Variants in PCDHGA2 observed in about 807,000 individuals in gnomAD.
PCDHGA2 encodes protocadherin gamma-A2.
In PCDHGA2, 40 loss-of-function variants were observed where a neutral mutation model predicts 59.2. That is an observed-to-expected ratio of 0.68 (90% confidence interval 0.52 to 0.88). PCDHGA2 has a LOEUF of 0.88. PCDHGA2 is among the 40% of genes least tolerant of loss of function. The probability of loss-of-function intolerance (pLI) is 0.00; values close to 1 mark genes in which losing one functional copy is unlikely to be tolerated. For synonymous variants in PCDHGA2, 560 were observed against 526.0 expected, an observed-to-expected ratio of 1.06 and a Z score of -0.89; for missense variants, 1,226 against 1,204.0, an observed-to-expected ratio of 1.02 and a Z score of -0.27.
chr5:141,338,923 C>A lies in PCDHGA2; in HGVS notation c.-49C>A. ...ACCCTGAGGAATAAAGATTGGAATC[C>A]GCACTGGATGCTGGAAGTTGACTCG... On this transcript the variant is annotated 5_prime_UTR_variant, in exon 1 of 4. Transcript: ENST00000394576. 2 of 1,513,342 alleles carry A rather than the reference C, an allele frequency of 1.3e-6. No individual in the cohort carries two copies. The highest frequency in any genetic ancestry group is 1.8e-6 in the Non-Finnish European group (2 of 1,131,086). The allele number at this position is 1,513,342 out of a possible 1,614,324, so 93.7% of individuals were successfully genotyped here. A position where few individuals can be genotyped will look rare whatever the true frequency, so the allele number is the denominator to read the frequency against.
At chr5:141,409,708 G>C (rs2095304272) in intron 1 of PCDHGA2, 5 of 1,613,088 alleles carry the variant, frequency 3.1e-6, no homozygotes, top group Non-Finnish European at 1.7e-6. Context: ...TGGCGGTGTC[G>C]TCATACGTGT....
Position 141,487,390 on chromosome 5 carries a change from G to A in PCDHGA2, c.2425-7417G>A, listed in dbSNP as rs769886634. On this transcript the variant is annotated intron_variant, in intron 1 of 3. Coordinates refer to ENST00000394576, the MANE Select transcript of PCDHGA2 (RefSeq NM_018915.4). The surrounding 1 kb of genome is among the most constrained non-coding windows in gnomAD (Gnocchi z 5.0). The stretch of plus-strand genomic sequence containing the variant: ...GTGCCTGTCTCACCAGATCTCGAAG[G>A]AGGGAGGGGCTTCCCCCTTCCAATG... 1.2e-6 allele frequency: 2 copies of A among 1,614,182 alleles called. No homozygotes were observed. The highest frequency in any genetic ancestry group is 1.3e-5 in the African/African-American group (1 of 75,070).
Position 141,491,650 on chromosome 5 carries a change from G to C in PCDHGA2, c.2425-3157G>C, listed in dbSNP as rs1283977913. On this transcript the variant is annotated intron_variant, in intron 1 of 3. Coordinates refer to ENST00000394576, the MANE Select transcript of PCDHGA2 (RefSeq NM_018915.4). The surrounding 1 kb of genome is among the most constrained non-coding windows in gnomAD (Gnocchi z 6.9). ...TCAGCAGCCCACAGCTCTGGCGCTG[G>C]AGCCTGACGCCATCCGGTCCCGCTC... The C allele has an allele frequency of 6.2e-7, 1 of 1,613,876 alleles. No individual in the cohort carries two copies. The highest frequency in any genetic ancestry group is 1.7e-5 in the Admixed American group (1 of 60,034).
At position 141,372,056 on chromosome 5, in the gene PCDHGA2, C is replaced by T. The variant is rs1228124665; in HGVS notation, c.2424+30661C>T. ...TGAGCCTGCGCGTGTTGGTGGACGACCGCAACGACAATGCACCGCTGGTGC... is the reference window on the plus strand; with the variant it reads ...TGAGCCTGCGCGTGTTGGTGGACGATCGCAACGACAATGCACCGCTGGTGC... On this transcript the variant is annotated intron_variant, in intron 1 of 3. Transcript: ENST00000394576. The T allele has an allele frequency of 4.3e-6, 7 of 1,613,578 alleles. No individual in the cohort carries two copies. In the East Asian group the frequency reaches 1.6e-4, roughly 36 times the overall value.
At chr5:141,466,983 C>A (rs2099133398) in intron 1 of PCDHGA2, among the ~76,000 whole-genome samples, 1 of 151,884 alleles carries the variant, frequency 6.6e-6, no homozygotes, top group African/African-American at 2.4e-5. Context: ...TCATCATTTA[C>A]CTTTTGGCAT....
intron 1 of PCDHGA2, among the ~76,000 whole-genome samples, chr5:141,460,961 A>G (rs113156768): frequency 0.11 from 16,010 of 144,518 alleles, 1,385 homozygotes; most frequent in African/African-American, 0.24. Context: ...GTATATATAT[A>G]TGTGTGTGTG....
Position 141,409,803 on chromosome 5 carries a change from C to G in PCDHGA2, c.2424+68408C>G, listed in dbSNP as rs779815582. The G allele has an allele frequency of 1.4e-5, 23 of 1,611,528 alleles. No homozygotes were observed. The highest frequency in any genetic ancestry group is 7.7e-5 in the South Asian group (7 of 90,886). ...CGCGCCTTCGCGCTCACGCTGCAGG[C>G]CCGCGACCACGGCTCGCCCACGCTC... On this transcript the variant is annotated intron_variant, in intron 1 of 3. Coordinates refer to ENST00000394576, the MANE Select transcript of PCDHGA2 (RefSeq NM_018915.4).
rs201021035 is a variant in PCDHGA2 at position 141,398,584 on chromosome 5, A to G, written c.2424+57189A>G. 8.7e-5 allele frequency: 141 copies of G among 1,614,066 alleles called. 1 individual carries two copies. In the African/African-American group the frequency reaches 1.0e-3, roughly 12 times the overall value. ...GTCTGCACAGCCTGGCACAAGATTT[A>G]TACTAGAAGTAGCAGAAGATGCAGA... On this transcript the variant is annotated intron_variant, in intron 1 of 3. Transcript: ENST00000394576.
At position 141,383,491 on chromosome 5, in the gene PCDHGA2, C is replaced by A. The variant is rs116533786; in HGVS notation, c.2424+42096C>A. ...TAAGTACCCGGAACTGGTGCTGGAG[C>A]GGGTGCTGGACCGGGAGGAAGAGCG... On this transcript the variant is annotated intron_variant, in intron 1 of 3. Transcript: ENST00000394576. 4.5e-4 allele frequency: 731 copies of A among 1,613,114 alleles called. 6 individuals are homozygous for A. In the African/African-American group the frequency reaches 7.9e-3, roughly 17 times the overall value.
At chr5:141,494,583 G>A (rs2099755431) in intron 1 of PCDHGA2, among the ~76,000 whole-genome samples, 1 of 152,152 alleles carries the variant, frequency 6.6e-6, no homozygotes, top group Non-Finnish European at 1.5e-5. Flanking sequence ...CTTGCTCACT[G>A]TGGTCAGATG....
rs374159387 is a variant in PCDHGA2, at chr5:141,385,182, G to A, written c.2424+43787G>A. 154 of 1,614,138 alleles carry A rather than the reference G, an allele frequency of 9.5e-5. 1 individual carries two copies. The African/African-American group carries it at 1.3e-3, about 14-fold the overall frequency. ...ATTCCCATGAGGTCTCCCTCACCGC[G>A]GACTCTCGGAAGAGTCACCTGATCT... On this transcript the variant is annotated intron_variant, in intron 1 of 3. Coordinates refer to ENST00000394576, the MANE Select transcript of PCDHGA2 (RefSeq NM_018915.4).
intron 1 of PCDHGA2, chr5:141,478,873 T>C: frequency 7.8e-7 from 1 of 1,274,424 alleles, no homozygotes; most frequent in African/African-American, 1.5e-5. Context: ...GATCAGAGTT[T>C]AGCTTGGTAT....
intron 1 of PCDHGA2, chr5:141,375,541 A>G (rs566370523): frequency 1.2e-6 from 2 of 1,613,786 alleles, no homozygotes; most frequent in South Asian, 2.2e-5. Context: ...AGAACGCCCA[A>G]GTCTCCTACT....
At chr5:141,362,208 C>G in intron 1 of PCDHGA2, 1 of 1,614,074 alleles carries the variant, frequency 6.2e-7, no homozygotes, top group East Asian at 2.2e-5. Context: ...TGCAGTTTTA[C>G]CTGGTTGTGG....
intron 1 of PCDHGA2, chr5:141,478,141 C>T (rs770862398): frequency 6.2e-7 from 1 of 1,614,044 alleles, no homozygotes; most frequent in Non-Finnish European, 8.5e-7. Context: ...AAGCCCGAGC[C>T]GAGTTCCCCT....
chr5:141,364,856 C>G (rs748996283), intron 1 of PCDHGA2: 1 of 1,614,006 alleles, frequency 6.2e-7, no homozygotes, highest in Non-Finnish European at 8.5e-7. Flanking sequence ...CAGCTCCAAT[C>G]TGCACTTCTC....
At position 141,486,038 on chromosome 5, in the gene PCDHGA2, G is replaced by T; in HGVS notation, c.2425-8769G>T. The stretch of plus-strand genomic sequence containing the variant: ...TTTCAGTGGTCATACCCCTGATCGT[G>T]TAAGAAACCTCTTTAGCCTGCACCC... On this transcript the variant is annotated intron_variant, in intron 1 of 3. Coordinates refer to ENST00000394576, the MANE Select transcript of PCDHGA2 (RefSeq NM_018915.4). This position sits in a 1 kb window ranked among gnomAD's most constrained non-coding sequence, Gnocchi z 5.0. The T allele has an allele frequency of 3.1e-6, 5 of 1,614,184 alleles. No individual in the cohort carries two copies. Among genetic ancestry groups the T allele is most frequent in the Non-Finnish European group, 4.2e-6 (5 of 1,180,018 alleles).
intron 1 of PCDHGA2, chr5:141,414,483 A>T (rs756254490): frequency 5.6e-6 from 9 of 1,613,826 alleles, no homozygotes; most frequent in Non-Finnish European, 6.8e-6. Flanking sequence ...GTCCTCCTCT[A>T]TCAACGGAAG....
At chr5:141,436,959 G>A (rs1385958934) in intron 1 of PCDHGA2, among the ~76,000 whole-genome samples, 1 of 152,120 alleles carries the variant, frequency 6.6e-6, no homozygotes, top group Non-Finnish European at 1.5e-5. Context: ...TCTAAACAAG[G>A]ATCTTGTGAA....
Sources: allele counts gnomAD v4.1 joint callset (sites outside exome capture counted in the v4.1 genomes callset), GRCh38; gene constraint gnomAD v4.1.1; non-coding constraint Gnocchi (gnomAD v3.1); transcripts MANE v1.5; gene names NCBI Gene and HGNC (gene_info 2026-07-23, HGNC 2026-07-21).